CSMD1: variants seen among roughly 807,000 people sequenced by gnomAD.
The protein encoded by CSMD1 is CUB and sushi domain-containing protein 1.
Under a neutral mutation model 417.5 loss-of-function variants are expected in CSMD1, and 213 were observed. That is an observed-to-expected ratio of 0.51 (90% CI 0.46 to 0.57). The LOEUF (loss-of-function observed/expected upper bound fraction) is 0.57. Ranked by LOEUF, CSMD1 falls within the 20% of genes least tolerant of loss-of-function variation. The probability of loss-of-function intolerance (pLI) is 0.00; values close to 1 mark genes in which losing one functional copy is unlikely to be tolerated. For synonymous variants in CSMD1, 2,862 were observed against 1,736.8 expected, an observed-to-expected ratio of 1.65 and a Z score of -16.11; for missense variants, 6,923 against 4,529.7, an observed-to-expected ratio of 1.53 and a Z score of -15.17.
intron 1 of CSMD1, among the ~76,000 whole-genome samples, chr8:4,765,944 T>G (rs1039678440): frequency 1.3e-5 from 2 of 152,194 alleles, no homozygotes; most frequent in African/African-American, 4.8e-5. Context: ...CTTAGCTAAT[T>G]CCACATAGTT....
chr8:4,408,533 G>T (rs151316624), intron 3 of CSMD1, among the ~76,000 whole-genome samples: 178 of 152,276 alleles, frequency 1.2e-3, no homozygotes, highest in African/African-American at 4.1e-3. Context: ...TGGACATAAA[G>T]ATTTTCCTAT....
chr8:3,452,016 C>T (rs79436167), intron 12 of CSMD1, among the ~76,000 whole-genome samples: 168 of 152,166 alleles, frequency 1.1e-3, no homozygotes, highest in East Asian at 3.3e-3. Context: ...TAGTTCTCCT[C>T]GAAGAGGTCC....
intron 3 of CSMD1, among the ~76,000 whole-genome samples, chr8:4,056,350 T>C (rs368639265): frequency 2.2e-4 from 34 of 151,834 alleles, no homozygotes; most frequent in African/African-American, 8.2e-4. Flanking sequence ...CCCAAAGTGC[T>C]GGGATTATAG....
intron 25 of CSMD1, among the ~76,000 whole-genome samples, chr8:3,294,726 CCTTT>C (rs912387664): frequency 6.6e-6 from 1 of 152,126 alleles, no homozygotes; most frequent in Non-Finnish European, 1.5e-5. Flanking sequence ...ATCTGTCACC[CCTTT>C]CTTTGACTAG....
intron 3 of CSMD1, among the ~76,000 whole-genome samples, chr8:4,269,241 G>A (rs1804418113): frequency 6.6e-6 from 1 of 152,114 alleles, no homozygotes; most frequent in South Asian, 2.1e-4. Flanking sequence ...ATATTTAGCA[G>A]AGATGAGGTT....
intron 54 of CSMD1, among the ~76,000 whole-genome samples, chr8:2,982,279 C>T (rs1805490939): frequency 6.6e-6 from 1 of 152,122 alleles, no homozygotes; most frequent in Non-Finnish European, 1.5e-5. Context: ...TTGCTTGAAC[C>T]CAGGATGCGG....
chr8:4,178,666 G>A (rs1303863049), intron 3 of CSMD1, among the ~76,000 whole-genome samples: 4 of 152,158 alleles, frequency 2.6e-5, no homozygotes, highest in African/African-American at 7.2e-5. Context: ...TAATATGATT[G>A]TTTATCTAGA....
At chr8:4,223,234 T>C (rs1801145944) in intron 3 of CSMD1, among the ~76,000 whole-genome samples, 1 of 152,074 alleles carries the variant, frequency 6.6e-6, no homozygotes, top group African/African-American at 2.4e-5. Flanking sequence ...CTTTGCTTCT[T>C]GAACATTTAT....
intron 3 of CSMD1, among the ~76,000 whole-genome samples, chr8:4,299,888 C>A (rs1797888619): frequency 6.6e-6 from 1 of 152,170 alleles, no homozygotes; most frequent in Non-Finnish European, 1.5e-5. Flanking sequence ...CTCAGCCTCC[C>A]AAACTGCTAG....
At chr8:4,776,443 A>G (rs569779684) in intron 1 of CSMD1, among the ~76,000 whole-genome samples, 8 of 152,162 alleles carry the variant, frequency 5.3e-5, no homozygotes, top group Non-Finnish European at 8.8e-5. Context: ...TCCTCATGTT[A>G]TATTAGGCAG....
chr8:3,299,225 G>T (rs1439872561), intron 25 of CSMD1, among the ~76,000 whole-genome samples: 4 of 152,192 alleles, frequency 2.6e-5, no homozygotes, highest in African/African-American at 9.7e-5. Context: ...GCCGAGGTGG[G>T]TGGATCGCCT....
chr8:3,329,459 A>G (rs1806748824), intron 23 of CSMD1, among the ~76,000 whole-genome samples: 1 of 152,150 alleles, frequency 6.6e-6, no homozygotes, highest in Admixed American at 6.5e-5. Context: ...AGCATATATG[A>G]TGAACGGGGA....
At chr8:3,700,017 C>G (rs1044547335) in intron 7 of CSMD1, among the ~76,000 whole-genome samples, 4 of 152,250 alleles carry the variant, frequency 2.6e-5, no homozygotes, top group South Asian at 4.1e-4. Context: ...TCCTGAGACT[C>G]TTATAAATTC....
At chr8:3,174,570 G>C (rs977921357) in intron 37 of CSMD1, among the ~76,000 whole-genome samples, 3 of 152,102 alleles carry the variant, frequency 2.0e-5, no homozygotes, top group African/African-American at 7.2e-5. Context: ...ATTTTTAAAA[G>C]ACTATATTCT....
intron 7 of CSMD1, among the ~76,000 whole-genome samples, chr8:3,681,575 G>A (rs1799664703): frequency 6.6e-6 from 1 of 152,164 alleles, no homozygotes; most frequent in Non-Finnish European, 1.5e-5. Flanking sequence ...CCATGCTTAT[G>A]GATAGGAAGA....
intron 47 of CSMD1, among the ~76,000 whole-genome samples, chr8:3,095,188 A>T (rs532394175): frequency 6.6e-6 from 1 of 152,316 alleles, no homozygotes; most frequent in South Asian, 2.1e-4. Context: ...AGTTCAAAAT[A>T]ATTAAATATA....
intron 3 of CSMD1, among the ~76,000 whole-genome samples, chr8:4,053,751 G>C (rs1466068760): frequency 2.6e-5 from 4 of 152,114 alleles, no homozygotes; most frequent in East Asian, 3.9e-4. Context: ...ATTTCCTCTG[G>C]ATATGATGGC....
intron 5 of CSMD1, among the ~76,000 whole-genome samples, chr8:3,993,775 C>A (rs1814940936): frequency 6.6e-6 from 1 of 152,162 alleles, no homozygotes; most frequent in African/African-American, 2.4e-5. Flanking sequence ...TGATGTTTTC[C>A]AGGGAGGGAG....
At chr8:3,648,080 G>A (rs537327550) in intron 7 of CSMD1, among the ~76,000 whole-genome samples, 1 of 152,218 alleles carries the variant, frequency 6.6e-6, no homozygotes, top group African/African-American at 2.4e-5. Context: ...ATGGATGGAT[G>A]TGTTCTAGCT....
Sources: allele counts gnomAD v4.1 joint callset (sites outside exome capture counted in the v4.1 genomes callset), GRCh38; gene constraint gnomAD v4.1.1; transcripts MANE v1.5; gene names NCBI Gene and HGNC (gene_info 2026-07-23, HGNC 2026-07-21).